PPARGC1A: variants seen among roughly 807,000 people sequenced by gnomAD.
PPARGC1A encodes peroxisome proliferator-activated receptor gamma coactivator 1-alpha.
A neutral mutation model predicts 88.7 loss-of-function variants in PPARGC1A; 25 were observed. The observed-to-expected ratio is 0.28, with a 90% confidence interval of 0.21 to 0.39. The LOEUF is 0.39. Ranked by LOEUF, PPARGC1A falls within the 10% of genes least tolerant of loss-of-function variation. PPARGC1A has a pLI of 1.00. For synonymous variants in PPARGC1A, 363 were observed against 355.6 expected (o/e 1.02, Z -0.24); for missense variants, 880 against 968.7 (o/e 0.91, Z 1.22).
the PPARGC1A span, among the ~76,000 whole-genome samples, chr4:23,987,924 T>C: frequency 6.6e-6 from 1 of 152,048 alleles, no homozygotes; most frequent in African/African-American, 2.4e-5. Context: ...TTTCTCCTAA[T>C]GCTATCTCTC....
intron 2 of PPARGC1A, among the ~76,000 whole-genome samples, chr4:23,857,373 G>GAC (rs1553893627): frequency 2.1e-4 from 22 of 104,442 alleles, no homozygotes; most frequent in African/African-American, 5.2e-4. Flanking sequence ...GTGTGTGTGT[G>GAC]ACACACACAC....
At chr4:24,256,264 G>A in the PPARGC1A span, among the ~76,000 whole-genome samples, 1 of 152,146 alleles carries the variant, frequency 6.6e-6, no homozygotes, top group Non-Finnish European at 1.5e-5. Context: ...GACATGGAAA[G>A]CACTCTGTTG....
chr4:24,109,331 ACACACAC>A, the PPARGC1A span, among the ~76,000 whole-genome samples: 2 of 149,422 alleles, frequency 1.3e-5, no homozygotes, highest in Non-Finnish European at 3.0e-5. Flanking sequence ...ACACACACAC[ACACACAC>A]ACTTTTATTC....
the PPARGC1A span, among the ~76,000 whole-genome samples, chr4:24,234,185 T>C: frequency 6.6e-6 from 1 of 152,202 alleles, no homozygotes; most frequent in African/African-American, 2.4e-5. Flanking sequence ...GGAACCAGCA[T>C]ACTTAACACA....
chr4:24,225,444 C>G, the PPARGC1A span, among the ~76,000 whole-genome samples: 3 of 151,914 alleles, frequency 2.0e-5, no homozygotes, highest in Non-Finnish European at 4.4e-5. Context: ...TGGCAGGCGC[C>G]TGTAGTCCCA....
the PPARGC1A span, among the ~76,000 whole-genome samples, chr4:24,148,998 A>C: frequency 6.6e-6 from 1 of 152,192 alleles, no homozygotes; most frequent in African/African-American, 2.4e-5. Context: ...CATTCAAATC[A>C]TACTGCATCC....
the PPARGC1A span, among the ~76,000 whole-genome samples, chr4:24,179,576 T>C: frequency 6.6e-6 from 1 of 152,118 alleles, no homozygotes; most frequent in African/African-American, 2.4e-5. Context: ...CTACCCTCTT[T>C]AGCCCAGGTG....
At chr4:24,123,665 A>C in the PPARGC1A span, among the ~76,000 whole-genome samples, 1 of 152,172 alleles carries the variant, frequency 6.6e-6, no homozygotes, top group East Asian at 1.9e-4. Flanking sequence ...TCAGTGGTTC[A>C]AAGTCAAGGT....
At chr4:24,101,337 C>T in the PPARGC1A span, among the ~76,000 whole-genome samples, 2 of 152,190 alleles carry the variant, frequency 1.3e-5, no homozygotes, top group African/African-American at 4.8e-5. Context: ...ACCAGCCATG[C>T]TTCCTGTACA....
At chr4:24,437,468 T>C in the PPARGC1A span, among the ~76,000 whole-genome samples, 2 of 152,080 alleles carry the variant, frequency 1.3e-5, no homozygotes, top group Non-Finnish European at 2.9e-5. Context: ...AAGGGAGACA[T>C]GAGTAGCCGG....
At chr4:24,305,800 G>A in the PPARGC1A span, among the ~76,000 whole-genome samples, 9 of 152,060 alleles carry the variant, frequency 5.9e-5, no homozygotes, top group Non-Finnish European at 8.8e-5. Context: ...CAACAAGAGC[G>A]AAACTACATC....
At chr4:23,797,357 C>CAA (rs35589683) in intron 12 of PPARGC1A, among the ~76,000 whole-genome samples, 104 of 145,232 alleles carry the variant, frequency 7.2e-4, no homozygotes, top group African/African-American at 2.4e-3. Flanking sequence ...TTTGTAGAGA[C>CAA]AAAAAAAAAA....
At chr4:24,135,277 G>A in the PPARGC1A span, among the ~76,000 whole-genome samples, 5 of 152,236 alleles carry the variant, frequency 3.3e-5, no homozygotes, top group South Asian at 2.1e-4. Flanking sequence ...ATAGTTGTAG[G>A]AGGGGAGAAA....
At chr4:23,840,698 A>G (rs1726906680) in intron 2 of PPARGC1A, among the ~76,000 whole-genome samples, 1 of 152,192 alleles carries the variant, frequency 6.6e-6, no homozygotes, top group African/African-American at 2.4e-5. Flanking sequence ...TACTTAGTAT[A>G]TAGGAGAGGC....
chr4:23,900,226 A>G (rs1159181165), upstream of PPARGC1A, among the ~76,000 whole-genome samples: 1 of 152,212 alleles, frequency 6.6e-6, no homozygotes, highest in East Asian at 1.9e-4. Context: ...TTCTTGAATA[A>G]GTGAAGTGAA....
chr4:24,227,541 A>C, the PPARGC1A span, among the ~76,000 whole-genome samples: 1 of 152,224 alleles, frequency 6.6e-6, no homozygotes. Context: ...ACAAATAAAT[A>C]AGTAAATAAA....
the PPARGC1A span, among the ~76,000 whole-genome samples, chr4:24,068,133 C>A: frequency 6.6e-6 from 1 of 152,178 alleles, no homozygotes; most frequent in African/African-American, 2.4e-5. Flanking sequence ...TTGTCTCACC[C>A]TCCAGGAAGC....
At chr4:24,092,903 G>A in the PPARGC1A span, among the ~76,000 whole-genome samples, 2 of 152,186 alleles carry the variant, frequency 1.3e-5, no homozygotes, top group African/African-American at 4.8e-5. Context: ...TCCCGTGCTC[G>A]CAGAAGCGAT....
chr4:24,461,061 C>CAA, the PPARGC1A span, among the ~76,000 whole-genome samples: 3 of 152,122 alleles, frequency 2.0e-5, no homozygotes, highest in Non-Finnish European at 4.4e-5. Context: ...GTAGCTGAGA[C>CAA]TACAGGTGCA....
Sources: allele counts gnomAD v4.1 joint callset (sites outside exome capture counted in the v4.1 genomes callset), GRCh38; gene constraint gnomAD v4.1.1; transcripts MANE v1.5; gene names NCBI Gene and HGNC (gene_info 2026-07-23, HGNC 2026-07-21).